TYW1: variants seen among roughly 807,000 people sequenced by gnomAD.
TYW1 encodes tRNA-yW synthesizing protein 1 homolog.
A neutral mutation model predicts 96.2 loss-of-function variants in TYW1; 46 were observed. The observed-to-expected ratio is 0.48, with a 90% CI of 0.38 to 0.61. The LOEUF (loss-of-function observed/expected upper bound fraction) is 0.61. Ranked by LOEUF, TYW1 falls within the 20% of genes least tolerant of loss-of-function variation. The probability of loss-of-function intolerance (pLI) is 0.00; values close to 1 mark genes in which losing one functional copy is unlikely to be tolerated. For missense variants in TYW1, 684 were observed against 909.6 expected (o/e 0.75, Z 3.19); for synonymous variants, 274 against 323.0 (o/e 0.85, Z 1.63).
At chr7:67,221,532 AT>A (rs1272726241) in intron 15 of TYW1, among the ~76,000 whole-genome samples, 3 of 152,074 alleles carry the variant, frequency 2.0e-5, no homozygotes, top group African/African-American at 7.2e-5. Flanking sequence ...TCATTTTGTT[AT>A]TTCTCATATG....
chr7:67,101,241 A>G (rs1224479161), intron 12 of TYW1, among the ~76,000 whole-genome samples: 2 of 152,126 alleles, frequency 1.3e-5, no homozygotes, highest in African/African-American at 4.8e-5. Flanking sequence ...CAGTTACCCA[A>G]GAGACTTTTC....
intron 13 of TYW1, among the ~76,000 whole-genome samples, chr7:67,180,404 AT>A (rs1401526906): frequency 1.4e-5 from 1 of 71,646 alleles, no homozygotes; most frequent in African/African-American, 6.6e-5. Context: ...ATATATATAT[AT>A]TTATATATAT....
chr7:67,225,508 G>A (rs1801533158), intron 15 of TYW1, among the ~76,000 whole-genome samples: 1 of 152,120 alleles, frequency 6.6e-6, no homozygotes, highest in Non-Finnish European at 1.5e-5. Flanking sequence ...TGTGAAGGGA[G>A]GGGAAGAAGA....
chr7:67,230,148 A>T (rs577483365), intron 15 of TYW1, among the ~76,000 whole-genome samples: 5 of 151,990 alleles, frequency 3.3e-5, no homozygotes, highest in African/African-American at 1.2e-4. Flanking sequence ...AAGCACATCT[A>T]TCACTTAGCT....
At chr7:67,093,884 A>C (rs1238848366) in intron 11 of TYW1, among the ~76,000 whole-genome samples, 1 of 152,138 alleles carries the variant, frequency 6.6e-6, no homozygotes, top group Non-Finnish European at 1.5e-5. Flanking sequence ...TTAGGGGTAC[A>C]TGTGCATGTT....
In TYW1 at chr7:67,122,263, C is replaced by T. The variant is rs61205542; in HGVS notation, c.1698+4645C>T. ...ACAATGACCATTGGCCCTCTCTCTA[C>T]AGATGTTAGGATACTCTGACCTGAC... On this transcript the variant is annotated intron_variant, in intron 13 of 15. Transcript: ENST00000359626. 4.7e-3 allele frequency among the ~76,000 whole-genome samples: 719 copies of T among 152,294 alleles called. 5 individuals are homozygous for T. Among genetic ancestry groups the T allele is most frequent in the African/African-American group, 0.016 (685 of 41,572 alleles).
intron 15 of TYW1, among the ~76,000 whole-genome samples, chr7:67,216,221 A>AT (rs1563075498): frequency 6.8e-6 from 1 of 146,838 alleles, no homozygotes; most frequent in Non-Finnish European, 1.5e-5. Context: ...TCTATAGATA[A>AT]TTTTTTTCTT....
chr7:67,191,033 A>C (rs1359017948), intron 14 of TYW1, among the ~76,000 whole-genome samples: 2 of 152,152 alleles, frequency 1.3e-5, no homozygotes, highest in African/African-American at 4.8e-5. Flanking sequence ...TAAAGAAAGG[A>C]GGTTTGTTTG....
chr7:67,148,990 G>A (rs565356361), intron 13 of TYW1, among the ~76,000 whole-genome samples: 1 of 152,280 alleles, frequency 6.6e-6, no homozygotes, highest in East Asian at 1.9e-4. Context: ...TAACAAAGAA[G>A]TCATCGCGCA....
intron 14 of TYW1, among the ~76,000 whole-genome samples, chr7:67,188,861 T>A (rs1476576484): frequency 6.6e-6 from 1 of 152,200 alleles, no homozygotes; most frequent in Non-Finnish European, 1.5e-5. Context: ...GACACAATGC[T>A]GTTCATACCC....
At chr7:67,169,686 A>C (rs1206620724) in intron 13 of TYW1, among the ~76,000 whole-genome samples, 2 of 152,230 alleles carry the variant, frequency 1.3e-5, no homozygotes, top group East Asian at 3.8e-4. Flanking sequence ...GGCGTGAGCC[A>C]CTGCTCCCAG....
chr7:67,185,041 G>C (rs756633095), intron 14 of TYW1, among the ~76,000 whole-genome samples: 1 of 152,036 alleles, frequency 6.6e-6, no homozygotes, highest in Non-Finnish European at 1.5e-5. Flanking sequence ...ATACCTAAAT[G>C]GTAAGCAGAA....
At chr7:67,200,513 C>T (rs9886150) in intron 15 of TYW1, among the ~76,000 whole-genome samples, 37,597 of 151,628 alleles carry the variant, frequency 0.25, 4,860 homozygotes, top group African/African-American at 0.3. Context: ...TTATTCACTA[C>T]CACAAGAACA....
intron 5 of TYW1, 59 bp downstream of exon 5, chr7:67,014,620 C>T (rs1793949103): frequency 1.3e-6 from 2 of 1,546,458 alleles, no homozygotes; most frequent in Non-Finnish European, 1.8e-6. Context: ...CACACGCACA[C>T]ACACGTAAAC....
intron 15 of TYW1, among the ~76,000 whole-genome samples, chr7:67,206,889 C>T (rs866512573): frequency 6.6e-6 from 1 of 152,134 alleles, no homozygotes; most frequent in Non-Finnish European, 1.5e-5. Flanking sequence ...GCAAGAGAAA[C>T]ACCTAATCAT....
intron 3 of TYW1, among the ~76,000 whole-genome samples, chr7:67,003,565 A>T (rs1409787461): frequency 2.6e-5 from 4 of 151,510 alleles, no homozygotes; most frequent in Non-Finnish European, 4.4e-5. Context: ...GGAAAAAATG[A>T]GGATTACAGA....
chr7:67,125,613 T>G (rs1372961868), intron 13 of TYW1, among the ~76,000 whole-genome samples: 1 of 152,134 alleles, frequency 6.6e-6, no homozygotes, highest in Non-Finnish European at 1.5e-5. Context: ...GGTTCATTGT[T>G]GTGGTTGTAC....
At chr7:67,100,607 G>A (rs930356581) in intron 12 of TYW1, among the ~76,000 whole-genome samples, 1 of 152,138 alleles carries the variant, frequency 6.6e-6, no homozygotes, top group Non-Finnish European at 1.5e-5. Flanking sequence ...AGCACTTTGG[G>A]AGGCCGAGAC....
At chr7:67,066,216 C>T (rs1356316506) in intron 9 of TYW1, among the ~76,000 whole-genome samples, 1 of 152,084 alleles carries the variant, frequency 6.6e-6, no homozygotes, top group African/African-American at 2.4e-5. Flanking sequence ...TCTTTAGTAC[C>T]CTACCTGTCC....
Sources: allele counts gnomAD v4.1 joint callset (sites outside exome capture counted in the v4.1 genomes callset), GRCh38; gene constraint gnomAD v4.1.1; transcripts MANE v1.5; gene names NCBI Gene and HGNC (gene_info 2026-07-23, HGNC 2026-07-21).